INVS: variants seen among roughly 807,000 people sequenced by gnomAD.
INVS encodes inversin.
In INVS, 86 loss-of-function variants were observed where a neutral mutation model predicts 108.8. That is an observed-to-expected ratio of 0.79 (90% CI 0.66 to 0.95). The LOEUF (loss-of-function observed/expected upper bound fraction) is 0.95. Among genes scored for constraint, INVS ranks in the 40% least tolerant of loss-of-function variants. The pLI, the probability that INVS is intolerant of heterozygous loss-of-function variation, is 0.00. For synonymous variants in INVS, 455 were observed against 473.5 expected, an observed-to-expected ratio of 0.96 and a Z score of 0.51; for missense variants, 1,169 against 1,297.4, an observed-to-expected ratio of 0.90 and a Z score of 1.52.
intron 4 of INVS, 150 bp from the exon 5 acceptor site, chr9:100,229,510 G>C: frequency 2.9e-6 from 2 of 698,828 alleles, no homozygotes; most frequent in South Asian, 3.2e-5. Flanking sequence ...GACTTCGGTT[G>C]AACACAGAGA....
intron 3 of INVS, among the ~76,000 whole-genome samples, chr9:100,176,300 G>A (rs891169116): frequency 2.6e-5 from 4 of 151,994 alleles, no homozygotes; most frequent in African/African-American, 9.7e-5. Context: ...TAATAACCTT[G>A]GCTGCTAAGG....
intron 3 of INVS, among the ~76,000 whole-genome samples, chr9:100,187,613 G>A (rs566142048): frequency 7.9e-5 from 11 of 139,192 alleles, no homozygotes; most frequent in African/African-American, 2.2e-4. Flanking sequence ...CACAACCTCC[G>A]CCTCCCAGGT....
At chr9:100,123,701 C>T (rs1262540108) in intron 2 of INVS, among the ~76,000 whole-genome samples, 1 of 152,196 alleles carries the variant, frequency 6.6e-6, no homozygotes, top group Non-Finnish European at 1.5e-5. Context: ...CAAAGTGACT[C>T]TACCATTTTA....
chr9:100,301,363 G>A lies in INVS; in HGVS notation c.*689G>A, dbSNP rs10123866. Among the ~76,000 whole-genome samples, 69,782 of 151,958 alleles carry A rather than the reference G, an allele frequency of 0.46. 17,754 individuals carry two copies. The highest frequency in any genetic ancestry group is 0.89 in the East Asian group (4,614 of 5,176). Reference sequence around the variant, plus strand: ...GTTGCCGCCACGTCTTCACTGAATGGCTTTCTCAGTGCTGAATACCAACAG... The same window carrying A: ...GTTGCCGCCACGTCTTCACTGAATGACTTTCTCAGTGCTGAATACCAACAG... On this transcript the variant is annotated 3_prime_UTR_variant, in exon 17 of 17. Transcript: ENST00000262457.
At chr9:100,299,927 T>A (rs1242056189) in intron 16 of INVS, among the ~76,000 whole-genome samples, 2 of 152,190 alleles carry the variant, frequency 1.3e-5, no homozygotes, top group Non-Finnish European at 2.9e-5. Flanking sequence ...TTGAGACATA[T>A]GTTTGTTACT....
At chr9:100,154,331 A>ATTTTTTTTTTTTTTTTTTTTTTTTTTTTT (rs780090630) in intron 3 of INVS, among the ~76,000 whole-genome samples, 8 of 68,570 alleles carry the variant, frequency 1.2e-4, no homozygotes, top group African/African-American at 1.5e-4. Context: ...CAACCGACTA[A>ATTTTTTTTTTTTTTTTTTTTTTTTTTTTT]TTTTTTTTTT....
Position 100,301,135 on chromosome 9 carries a change from C to T in INVS, c.*461C>T, listed in dbSNP as rs1450478483. 1 of 181,186 alleles carries T rather than the reference C, an allele frequency of 5.5e-6. No individual in the cohort carries two copies. Among genetic ancestry groups the T allele is most frequent in the Non-Finnish European group, 1.0e-5 (1 of 99,536 alleles). The allele number at this position is 181,186 out of a possible 1,614,324, so 11.2% of individuals were successfully genotyped here. A position where few individuals can be genotyped will look rare whatever the true frequency, so the allele number is the denominator to read the frequency against. On this transcript the variant is annotated 3_prime_UTR_variant, in exon 17 of 17. Transcript: ENST00000262457. Reference sequence around the variant, plus strand: ...CTTTCCTGGCATCTAATGCAACAAACTTATCACACACACACACACACACAC... The same window carrying T: ...CTTTCCTGGCATCTAATGCAACAAATTTATCACACACACACACACACACAC...
intron 3 of INVS, among the ~76,000 whole-genome samples, chr9:100,173,603 C>T (rs1171558980): frequency 6.6e-6 from 1 of 152,080 alleles, no homozygotes; most frequent in Non-Finnish European, 1.5e-5. Flanking sequence ...GTGGTGCATG[C>T]CTATAATCCC....
At chr9:100,151,246 C>T (rs796733751) in intron 3 of INVS, among the ~76,000 whole-genome samples, 6 of 152,118 alleles carry the variant, frequency 3.9e-5, no homozygotes, top group African/African-American at 1.4e-4. Context: ...GAGACCAAGG[C>T]GGGAGGGTCA....
intron 2 of INVS, among the ~76,000 whole-genome samples, chr9:100,105,231 CTTTA>C (rs1827134542): frequency 1.3e-5 from 2 of 152,166 alleles, no homozygotes; most frequent in African/African-American, 4.8e-5. Flanking sequence ...TATTTGTAGT[CTTTA>C]TTCACACCAG....
chr9:100,188,505 C>T (rs994481059), intron 3 of INVS, among the ~76,000 whole-genome samples: 5 of 152,054 alleles, frequency 3.3e-5, no homozygotes, highest in African/African-American at 7.2e-5. Flanking sequence ...AATGTTAAAG[C>T]ATCCCTGCAG....
intron 12 of INVS, 38 bp from the exon 13 acceptor site, chr9:100,284,280 CTT>C (rs2118723897): frequency 6.2e-7 from 1 of 1,612,040 alleles, no homozygotes; most frequent in South Asian, 1.1e-5. Context: ...AGGTGATACT[CTT>C]TAAATTTTTT....
At chr9:100,199,459 T>C (rs1343792723) in intron 3 of INVS, among the ~76,000 whole-genome samples, 1 of 152,198 alleles carries the variant, frequency 6.6e-6, no homozygotes, top group Non-Finnish European at 1.5e-5. Flanking sequence ...CAATCTGTTT[T>C]CTTTTTCTCT....
At chr9:100,176,039 C>T (rs1340229263) in intron 3 of INVS, 3 of 522,000 alleles carry the variant, frequency 5.7e-6, no homozygotes, top group Admixed American at 4.0e-5. Flanking sequence ...CAAGAACATG[C>T]AGCCTGAAGA....
In INVS at chr9:100,226,107, T is replaced by G. The variant is rs1831309953; in HGVS notation, c.319T>G (p.Trp107Gly). 1 of 1,613,780 alleles carries G rather than the reference T, an allele frequency of 6.2e-7. No homozygotes were observed. Among genetic ancestry groups the G allele is most frequent in the Admixed American group, 1.7e-5 (1 of 59,976 alleles). ...ACTCTTACTTACACGCAGAGCAAAC[T>G]GGATGCAAAAGGATCTGGAAGAGAT... is the stretch of plus-strand genomic sequence containing the variant. The part of the protein sequence containing the change: ...MKLLLTRRAN[W>G]MQKDLEEMTP... Residue 107 changes from tryptophan (W) to glycine (G), a missense_variant, in exon 4 of 17, where the codon TGG (tryptophan) becomes GGG (glycine). This residue lies in a region of INVS where 365 missense variants were observed against 397.5 expected (regional missense o/e 0.92). Transcript: ENST00000262457.
intron 3 of INVS, among the ~76,000 whole-genome samples, chr9:100,171,243 A>AT (rs372450680): frequency 6.6e-6 from 1 of 151,986 alleles, no homozygotes; most frequent in Non-Finnish European, 1.5e-5. Context: ...TTTTTACTGT[A>AT]TTTTTTCTAT....
chr9:100,158,105 T>G (rs1054546857), intron 3 of INVS, among the ~76,000 whole-genome samples: 1 of 152,226 alleles, frequency 6.6e-6, no homozygotes, highest in Non-Finnish European at 1.5e-5. Flanking sequence ...TTGCTTTTAT[T>G]TGGGAAGTTT....
intron 3 of INVS, among the ~76,000 whole-genome samples, chr9:100,207,152 T>C (rs1016653580): frequency 4.0e-5 from 6 of 148,788 alleles, no homozygotes; most frequent in Non-Finnish European, 8.8e-5. Context: ...TGGGAGCTAA[T>C]TTGAAACTAT....
intron 12 of INVS, among the ~76,000 whole-genome samples, chr9:100,273,787 C>T (rs2787385): frequency 0.31 from 47,230 of 151,464 alleles, 8,487 homozygotes; most frequent in Non-Finnish European, 0.42. Flanking sequence ...ATCCACCCAC[C>T]TCATCCTCCC....
Sources: allele counts gnomAD v4.1 joint callset (sites outside exome capture counted in the v4.1 genomes callset), GRCh38; gene constraint gnomAD v4.1.1; regional missense constraint gnomAD v4.1.1; transcripts MANE v1.5; gene names NCBI Gene and HGNC (gene_info 2026-07-23, HGNC 2026-07-21).